The following ACBD6 variants were observed in gnomAD, a reference collection of about 807,000 sequenced individuals.
ACBD6 encodes acyl-CoA-binding domain-containing protein 6.
Under a neutral mutation model 37.2 loss-of-function variants are expected in ACBD6, and 28 were observed. That is an observed-to-expected ratio of 0.75 (90% CI 0.56 to 1.03). ACBD6 has a LOEUF of 1.03. Among genes scored for constraint, ACBD6 ranks in the 50% least tolerant of loss-of-function variants. The pLI, the probability that ACBD6 is intolerant of heterozygous loss-of-function variation, is 0.00. For missense variants in ACBD6, 340 were observed against 337.4 expected, an observed-to-expected ratio of 1.01 and a Z score of -0.06; for synonymous variants, 113 against 126.8, an observed-to-expected ratio of 0.89 and a Z score of 0.73.
In ACBD6 at chr1:180,356,057, G is replaced by A. The variant is rs1031753278; in HGVS notation, c.664-41335C>T. Reference sequence around the variant, plus strand: ...TAATTTTTTTTTTGTATTTTTAGTAGAAACGGGGTTTCACCATATTGGTCA... The same window carrying A: ...TAATTTTTTTTTTGTATTTTTAGTAAAAACGGGGTTTCACCATATTGGTCA... On this transcript the variant is annotated intron_variant, in intron 6 of 7. Transcript: ENST00000367595. Among the ~76,000 whole-genome samples the A allele has an allele frequency of 9.9e-5, 15 of 151,638 alleles. No homozygotes were observed. In the East Asian group the frequency reaches 2.9e-3, roughly 29 times the overall value.
chr1:180,416,502 T>C (rs1234196051), intron 4 of ACBD6, among the ~76,000 whole-genome samples: 1 of 152,190 alleles, frequency 6.6e-6, no homozygotes, highest in African/African-American at 2.4e-5. Flanking sequence ...CCTCTCTTTG[T>C]GAATCTCAAA....
chr1:180,450,468 GA>G, intron 3 of ACBD6, among the ~76,000 whole-genome samples: 1 of 152,272 alleles, frequency 6.6e-6, no homozygotes, highest in Admixed American at 6.5e-5. Context: ...TAAAACTTCT[GA>G]AAGACTCGGC....
Position 180,349,904 on chromosome 1 carries a change from AT to A in ACBD6, c.664-35183del, listed in dbSNP as rs963114617. Among the ~76,000 whole-genome samples the A allele has an allele frequency of 2.9e-4, 44 of 150,124 alleles. No individual in the cohort carries two copies. The East Asian group carries it at 6.6e-3, about 23-fold the overall frequency. ...TAAGCTACCATAAAATCACGTAAAT[AT>A]TTTTTTTTCTATTTGTATTCTAATT... On this transcript the variant is annotated intron_variant, in intron 6 of 7. Coordinates refer to ENST00000367595, the MANE Select transcript of ACBD6 (RefSeq NM_032360.4).
At position 180,436,493 on chromosome 1, in the gene ACBD6, C is replaced by T. The variant is rs1209866291; in HGVS notation, c.385-6231G>A. ...GCCATTTTGGGGTGGAGAGGGTGGA[C>T]GTGATAAAGCCAATAATTCAGGACT... On this transcript the variant is annotated intron_variant, in intron 3 of 7. Transcript: ENST00000367595. Among the ~76,000 whole-genome samples the T allele has an allele frequency of 2.6e-5, 4 of 152,068 alleles. No homozygotes were observed. In the East Asian group the frequency reaches 5.8e-4, roughly 22 times the overall value.
At chr1:180,479,233 A>AT (rs1650927193) in intron 3 of ACBD6, among the ~76,000 whole-genome samples, 1 of 152,230 alleles carries the variant, frequency 6.6e-6, no homozygotes, top group African/African-American at 2.4e-5. Flanking sequence ...TGGCAAAGAT[A>AT]AAAAGTCAAC....
rs1348833675 is a variant in ACBD6 at position 180,434,475 on chromosome 1, A to G, written c.385-4213T>C. Among the ~76,000 whole-genome samples, 5 of 152,348 alleles carry G rather than the reference A, an allele frequency of 3.3e-5. No individual in the cohort carries two copies. The East Asian group carries it at 9.6e-4, about 29-fold the overall frequency. On this transcript the variant is annotated intron_variant, in intron 3 of 7. Transcript: ENST00000367595. ...AGCTGAGAGATCTGAAGAATCTTTT[A>G]AAGATCTGAATAGGAAACAATTGTC... is the stretch of plus-strand genomic sequence containing the variant.
intron 2 of ACBD6, among the ~76,000 whole-genome samples, chr1:180,493,080 C>T (rs1255021997): frequency 3.3e-5 from 5 of 151,776 alleles, no homozygotes; most frequent in Admixed American, 2.6e-4. Context: ...GAAACCCCAT[C>T]TCTACTAAAG....
intron 5 of ACBD6, among the ~76,000 whole-genome samples, chr1:180,398,255 G>C (rs1320986625): frequency 6.6e-6 from 1 of 151,910 alleles, no homozygotes; most frequent in African/African-American, 2.4e-5. Flanking sequence ...AAAATGCTTT[G>C]TAAACTGTAC....
At chr1:180,373,368 A>G (rs1446234347) in intron 6 of ACBD6, among the ~76,000 whole-genome samples, 1 of 152,218 alleles carries the variant, frequency 6.6e-6, no homozygotes, top group African/African-American at 2.4e-5. Context: ...TCATTTGCAA[A>G]AATGTAACTT....
At chr1:180,478,225 T>C (rs925996980) in intron 3 of ACBD6, among the ~76,000 whole-genome samples, 5 of 152,144 alleles carry the variant, frequency 3.3e-5, no homozygotes, top group Admixed American at 1.3e-4. Context: ...TGTATTTTTA[T>C]TTATTAAGTA....
intron 7 of ACBD6, among the ~76,000 whole-genome samples, chr1:180,298,810 C>T (rs926538203): frequency 2.0e-5 from 3 of 152,284 alleles, no homozygotes; most frequent in South Asian, 4.1e-4. Context: ...CAAAGACAGA[C>T]TTACATGACA....
intron 4 of ACBD6, among the ~76,000 whole-genome samples, chr1:180,420,796 G>A (rs1648328262): frequency 1.3e-5 from 2 of 152,124 alleles, no homozygotes; most frequent in Non-Finnish European, 2.9e-5. Context: ...CAAGGCACAG[G>A]GGTTAACAGT....
At chr1:180,355,391 T>C (rs1363402559) in intron 6 of ACBD6, among the ~76,000 whole-genome samples, 1 of 152,222 alleles carries the variant, frequency 6.6e-6, no homozygotes, top group African/African-American at 2.4e-5. Flanking sequence ...TCTCTTTGAG[T>C]ATGTTACCAT....
chr1:180,397,032 A>G (rs760129572), intron 6 of ACBD6, among the ~76,000 whole-genome samples: 2 of 152,242 alleles, frequency 1.3e-5, no homozygotes, highest in African/African-American at 2.4e-5. Flanking sequence ...AACTGCCAAA[A>G]GACAGAAACA....
intron 6 of ACBD6, among the ~76,000 whole-genome samples, chr1:180,337,026 C>G (rs1273444229): frequency 6.6e-6 from 1 of 152,054 alleles, no homozygotes; most frequent in East Asian, 1.9e-4. Context: ...AGCTCACCAA[C>G]CAAAAAAAGT....
intron 3 of ACBD6, chr1:180,438,247 A>G (rs1649132804): frequency 6.5e-6 from 1 of 152,780 alleles, no homozygotes; most frequent in Non-Finnish European, 1.5e-5. Flanking sequence ...TGCTGCAGAA[A>G]AATGGTCTTC....
At chr1:180,383,164 C>G (rs1228619459) in intron 6 of ACBD6, among the ~76,000 whole-genome samples, 1 of 152,174 alleles carries the variant, frequency 6.6e-6, no homozygotes, top group African/African-American at 2.4e-5. Context: ...CACTCCTATT[C>G]AACACAGTAC....
rs57115648 is a variant in ACBD6 at position 180,330,309 on chromosome 1, A to C, written c.664-15587T>G. Among the ~76,000 whole-genome samples, 997 of 150,076 alleles carry C rather than the reference A, an allele frequency of 6.6e-3. 17 individuals carry two copies. Among genetic ancestry groups the C allele is most frequent in the African/African-American group, 0.023 (951 of 40,668 alleles). On this transcript the variant is annotated intron_variant, in intron 6 of 7. Coordinates refer to ENST00000367595, the MANE Select transcript of ACBD6 (RefSeq NM_032360.4). ...GCGGTGCACACCTCTGGTCCCAGCTATTTGAGAGGCTGAGGTGGGAGGATC... is the reference window on the plus strand; with the variant it reads ...GCGGTGCACACCTCTGGTCCCAGCTCTTTGAGAGGCTGAGGTGGGAGGATC...
intron 6 of ACBD6, among the ~76,000 whole-genome samples, chr1:180,396,542 T>C (rs1344819824): frequency 2.0e-5 from 3 of 152,134 alleles, no homozygotes; most frequent in African/African-American, 7.2e-5. Context: ...TTGCAAATCA[T>C]GTATCTGATA....
Sources: allele counts gnomAD v4.1 joint callset (sites outside exome capture counted in the v4.1 genomes callset), GRCh38; gene constraint gnomAD v4.1.1; transcripts MANE v1.5; gene names NCBI Gene and HGNC (gene_info 2026-07-23, HGNC 2026-07-21).